Variants in PTPRG observed in about 807,000 individuals in gnomAD.
PTPRG encodes the protein protein tyrosine phosphatase receptor type G, also known as receptor-type tyrosine-protein phosphatase gamma.
Under a neutral mutation model 165.3 loss-of-function variants are expected in PTPRG, and 102 were observed. The ratio of observed to expected loss-of-function variants is 0.62; its 90% CI spans 0.53 to 0.73. The LOEUF (loss-of-function observed/expected upper bound fraction) is 0.73, where lower values mean the gene tolerates loss of function less well. Ranked by LOEUF, PTPRG falls within the 30% of genes least tolerant of loss-of-function variation. The probability of loss-of-function intolerance (pLI) is 0.00; values close to 1 mark genes in which losing one functional copy is unlikely to be tolerated. For synonymous variants in PTPRG, 675 were observed against 669.5 expected (o/e 1.01, Z -0.13); for missense variants, 1,866 against 1,861.4 (o/e 1.00, Z -0.05).
At chr3:62,088,410 G>T (rs1305911583) in intron 5 of PTPRG, among the ~76,000 whole-genome samples, 1 of 152,214 alleles carries the variant, frequency 6.6e-6, no homozygotes, top group East Asian at 1.9e-4. Context: ...CAGGCCGAAG[G>T]CCATAAGAAT....
chr3:61,634,759 A>T lies in PTPRG; in HGVS notation c.85+72387A>T, dbSNP rs535896649. On this transcript the variant is annotated intron_variant, in intron 1 of 29. Coordinates refer to ENST00000474889, the MANE Select transcript of PTPRG (RefSeq NM_002841.4). ...TTAACCGAGAAGAATGCCTGTGCTT[A>T]TCCTCTGGGAACAACTGTAATGATG... Among the ~76,000 whole-genome samples, 104 of 152,308 alleles carry T rather than the reference A, an allele frequency of 6.8e-4. 1 individual carries two copies. The highest frequency in any genetic ancestry group is 2.4e-3 in the African/African-American group (100 of 41,574).
intron 1 of PTPRG, among the ~76,000 whole-genome samples, chr3:61,729,180 A>T (rs956614848): frequency 2.6e-5 from 4 of 152,144 alleles, no homozygotes; most frequent in Admixed American, 2.0e-4. Context: ...ATCCCAGCTG[A>T]GGGGAGAATA....
chr3:62,095,939 T>C (rs1702094569), intron 5 of PTPRG, among the ~76,000 whole-genome samples: 1 of 152,050 alleles, frequency 6.6e-6, no homozygotes, highest in African/African-American at 2.4e-5. Context: ...GCTAGAGCAT[T>C]GACTTCACTA....
chr3:62,005,983 G>A (rs1341517251), intron 4 of PTPRG, among the ~76,000 whole-genome samples: 7 of 152,152 alleles, frequency 4.6e-5, no homozygotes, highest in African/African-American at 1.4e-4. Context: ...GATTACAGGC[G>A]TGAGCCACCG....
chr3:61,703,214 C>T (rs546363168), intron 1 of PTPRG, among the ~76,000 whole-genome samples: 1 of 151,686 alleles, frequency 6.6e-6, no homozygotes, highest in African/African-American at 2.4e-5. Flanking sequence ...TTCTTAGCAG[C>T]TTGTGTTTGC....
intron 28 of PTPRG, among the ~76,000 whole-genome samples, chr3:62,290,154 A>C (rs1354764824): frequency 1.3e-5 from 2 of 152,192 alleles, no homozygotes; most frequent in African/African-American, 4.8e-5. Context: ...AAATTTACCA[A>C]AAATGGAATT....
chr3:62,132,272 C>G (rs1703543926), intron 5 of PTPRG, among the ~76,000 whole-genome samples: 1 of 152,178 alleles, frequency 6.6e-6, no homozygotes, highest in African/African-American at 2.4e-5. Flanking sequence ...TCATGACTTT[C>G]AATGACTTTT....
At chr3:61,699,361 A>T (rs2030817919) in intron 1 of PTPRG, among the ~76,000 whole-genome samples, 1 of 152,186 alleles carries the variant, frequency 6.6e-6, no homozygotes, top group Admixed American at 6.5e-5. Context: ...CTGCTTTTGC[A>T]TTCAATCTGT....
At chr3:61,580,127 T>G (rs913644554) in intron 1 of PTPRG, among the ~76,000 whole-genome samples, 3 of 152,132 alleles carry the variant, frequency 2.0e-5, no homozygotes, top group African/African-American at 7.2e-5. Flanking sequence ...CAGTAGGCTA[T>G]TAGTAAAGCT....
intron 2 of PTPRG, among the ~76,000 whole-genome samples, chr3:61,888,199 T>G (rs1023081071): frequency 1.1e-4 from 16 of 150,146 alleles, no homozygotes; most frequent in African/African-American, 3.4e-4. Flanking sequence ...TTTTAAATCT[T>G]TGTGTGTGTG....
intron 4 of PTPRG, among the ~76,000 whole-genome samples, chr3:62,050,352 T>C (rs556140364): frequency 2.4e-4 from 36 of 152,246 alleles, no homozygotes; most frequent in Non-Finnish European, 4.7e-4. Context: ...TACAGTCATA[T>C]AGTTTTACAG....
intron 1 of PTPRG, among the ~76,000 whole-genome samples, chr3:61,566,008 T>A (rs1243863949): frequency 1.3e-5 from 2 of 152,160 alleles, no homozygotes; most frequent in Non-Finnish European, 2.9e-5. Flanking sequence ...CTAAACTGGG[T>A]TCCTTTGACA....
At chr3:61,627,071 T>C (rs544247560) in intron 1 of PTPRG, among the ~76,000 whole-genome samples, 1 of 149,120 alleles carries the variant, frequency 6.7e-6, no homozygotes, top group Non-Finnish European at 1.5e-5. Context: ...GTGTGTGGAC[T>C]TTGAATTTGA....
intron 15 of PTPRG, among the ~76,000 whole-genome samples, chr3:62,253,297 T>C (rs1336951339): frequency 6.6e-6 from 1 of 152,190 alleles, no homozygotes; most frequent in Non-Finnish European, 1.5e-5. Flanking sequence ...AAACTATCAT[T>C]GTCGTATAAA....
intron 2 of PTPRG, among the ~76,000 whole-genome samples, chr3:61,861,261 T>C (rs562658122): frequency 4.5e-4 from 68 of 152,256 alleles, no homozygotes; most frequent in African/African-American, 1.6e-3. Flanking sequence ...TTTGCTATGA[T>C]TGTTGTTCTC....
At chr3:62,111,138 A>G (rs953591641) in intron 5 of PTPRG, among the ~76,000 whole-genome samples, 4 of 152,208 alleles carry the variant, frequency 2.6e-5, no homozygotes, top group African/African-American at 9.6e-5. Flanking sequence ...TTATTATGCC[A>G]GAATTGTTGT....
chr3:62,237,038 T>C lies in PTPRG; in HGVS notation c.2375+5727T>C, dbSNP rs752991951. On this transcript the variant is annotated intron_variant, in intron 14 of 29. Transcript: ENST00000474889. This position sits in a 1 kb window ranked among gnomAD's most constrained non-coding sequence, Gnocchi z 4.5. ...TGTGTGGAATTCCAGACATTTCTAA[T>C]GTTCAGTCTTTCTGCACTCAAGTTC... Among the ~76,000 whole-genome samples, 11 of 152,224 alleles carry C rather than the reference T, an allele frequency of 7.2e-5. No individual in the cohort carries two copies. The highest frequency in any genetic ancestry group is 1.3e-4 in the Non-Finnish European group (9 of 68,040).
intron 1 of PTPRG, among the ~76,000 whole-genome samples, chr3:61,616,500 A>G (rs926255988): frequency 6.6e-6 from 1 of 152,008 alleles, no homozygotes; most frequent in African/African-American, 2.4e-5. Flanking sequence ...GAATATGTTT[A>G]TTTACTCAGT....
intron 1 of PTPRG, among the ~76,000 whole-genome samples, chr3:61,730,098 G>C (rs2106830232): frequency 6.6e-6 from 1 of 152,344 alleles, no homozygotes; most frequent in South Asian, 2.1e-4. Flanking sequence ...TTTGACTGAA[G>C]GGGTTTGTGA....
Sources: gnomAD v4.1 joint callset for allele counts (sites outside exome capture counted in the v4.1 genomes callset) on GRCh38, gnomAD v4.1.1 for gene constraint, Gnocchi (gnomAD v3.1) non-coding constraint, MANE v1.5 for transcripts, NCBI Gene and HGNC (gene_info 2026-07-23, HGNC 2026-07-21) for gene names.